The following UBE2E2 variants were observed in gnomAD, a reference collection of about 807,000 sequenced individuals.
UBE2E2 encodes ubiquitin-conjugating enzyme E2 E2.
UBE2E2 carries 6 observed loss-of-function variants against 24.7 expected under a neutral mutation model. That is an observed-to-expected ratio of 0.24 (90% confidence interval 0.13 to 0.48). UBE2E2 has a LOEUF of 0.48. UBE2E2 is among the 20% of genes least tolerant of loss of function. UBE2E2 has a pLI of 0.99. For missense variants in UBE2E2, 169 were observed against 245.0 expected, an observed-to-expected ratio of 0.69 and a Z score of 2.07; for synonymous variants, 104 against 83.6, an observed-to-expected ratio of 1.24 and a Z score of -1.33.
chr3:23,328,276 C>G (rs1217785579), intron 3 of UBE2E2, among the ~76,000 whole-genome samples: 2 of 152,094 alleles, frequency 1.3e-5, no homozygotes. Flanking sequence ...ATCTTTGAAT[C>G]TATAAAATAC....
intron 3 of UBE2E2, among the ~76,000 whole-genome samples, chr3:23,286,914 A>G (rs1312227784): frequency 6.6e-6 from 1 of 152,142 alleles, no homozygotes; most frequent in Non-Finnish European, 1.5e-5. Flanking sequence ...TATTGTAAAT[A>G]GAATTACACT....
intron 3 of UBE2E2, among the ~76,000 whole-genome samples, chr3:23,327,772 A>G (rs1203926024): frequency 6.6e-6 from 1 of 152,200 alleles, no homozygotes; most frequent in Non-Finnish European, 1.5e-5. Flanking sequence ...AGTGTTGTAA[A>G]CCTGCTCATG....
At position 23,581,660 on chromosome 3, in the gene UBE2E2, G is replaced by T. The variant is rs77375843; in HGVS notation, c.509-8074G>T. 1.4e-3 allele frequency among the ~76,000 whole-genome samples: 219 copies of T among 152,264 alleles called. 5 individuals carry two copies. The East Asian group carries it at 0.015, about 10-fold the overall frequency. ...CTAAGTTAAAAACCCAGACATTCTG[G>T]ATCCAATGCCCATGCCCTTTTCCAC... is the stretch of plus-strand genomic sequence containing the variant. On this transcript the variant is annotated intron_variant, in intron 5 of 5. Transcript: ENST00000396703.
At chr3:23,419,589 A>G (rs1697744842) in intron 3 of UBE2E2, among the ~76,000 whole-genome samples, 1 of 152,178 alleles carries the variant, frequency 6.6e-6, no homozygotes, top group South Asian at 2.1e-4. Context: ...TGCTTTTGTT[A>G]TGCAGTGTTC....
intron 3 of UBE2E2, among the ~76,000 whole-genome samples, chr3:23,233,627 C>G (rs1056519764): frequency 6.6e-6 from 1 of 152,044 alleles, no homozygotes; most frequent in African/African-American, 2.4e-5. Flanking sequence ...TGGATGATCT[C>G]CAAGTGGCTT....
chr3:23,364,101 G>T (rs181559575), intron 3 of UBE2E2, among the ~76,000 whole-genome samples: 228 of 152,000 alleles, frequency 1.5e-3, no homozygotes, highest in African/African-American at 5.2e-3. Flanking sequence ...GAATCTCTGG[G>T]GCACAACTAA....
intron 5 of UBE2E2, among the ~76,000 whole-genome samples, chr3:23,574,750 A>T (rs183097491): frequency 1.3e-5 from 2 of 152,294 alleles, no homozygotes; most frequent in African/African-American, 4.8e-5. Flanking sequence ...CACTTTCTCA[A>T]TATTTAAGAA....
At chr3:23,586,620 C>G (rs1696633443) in intron 5 of UBE2E2, among the ~76,000 whole-genome samples, 1 of 152,022 alleles carries the variant, frequency 6.6e-6, no homozygotes, top group Admixed American at 6.6e-5. Flanking sequence ...TTTTTAATTC[C>G]TTCATTGTGT....
chr3:23,222,941 T>C (rs1696696241), intron 3 of UBE2E2, among the ~76,000 whole-genome samples: 1 of 151,970 alleles, frequency 6.6e-6, no homozygotes, highest in South Asian at 2.1e-4. Flanking sequence ...ATTGTAGCAA[T>C]GTTGAGCATT....
intron 3 of UBE2E2, among the ~76,000 whole-genome samples, chr3:23,470,904 A>G (rs1215122960): frequency 2.6e-5 from 4 of 152,056 alleles, no homozygotes; most frequent in Non-Finnish European, 4.4e-5. Flanking sequence ...ATGAAAGTCT[A>G]TTCTTAGGTA....
At chr3:23,571,639 C>G (rs545868432) in intron 5 of UBE2E2, among the ~76,000 whole-genome samples, 2 of 152,046 alleles carry the variant, frequency 1.3e-5, no homozygotes. Flanking sequence ...TCGTACAGAC[C>G]GCTTTTTTTG....
At chr3:23,582,828 C>T in intron 5 of UBE2E2, among the ~76,000 whole-genome samples, 1 of 149,624 alleles carries the variant, frequency 6.7e-6, no homozygotes, top group Non-Finnish European at 1.5e-5. Flanking sequence ...GATATTTTCT[C>T]CCATGCTGTA....
intron 3 of UBE2E2, among the ~76,000 whole-genome samples, chr3:23,439,047 T>G (rs1344218870): frequency 6.6e-6 from 1 of 152,252 alleles, no homozygotes; most frequent in African/African-American, 2.4e-5. Flanking sequence ...GTGATCATTT[T>G]TATATACAAG....
intron 4 of UBE2E2, among the ~76,000 whole-genome samples, chr3:23,509,582 TG>T (rs944366732): frequency 2.5e-4 from 38 of 152,246 alleles, no homozygotes; most frequent in Admixed American, 5.9e-4. Flanking sequence ...TTAATATATA[TG>T]TTTTTTTATT....
At chr3:23,308,893 C>T (rs532956502) in intron 3 of UBE2E2, among the ~76,000 whole-genome samples, 1 of 152,260 alleles carries the variant, frequency 6.6e-6, no homozygotes, top group Admixed American at 6.5e-5. Context: ...CCTGAAATCC[C>T]CCAAGAGGCT....
At chr3:23,231,565 A>G (rs1280756518) in intron 3 of UBE2E2, among the ~76,000 whole-genome samples, 2 of 152,216 alleles carry the variant, frequency 1.3e-5, no homozygotes, top group Non-Finnish European at 2.9e-5. Flanking sequence ...GAAATCATCA[A>G]GCAATTGAAT....
chr3:23,560,888 A>G (rs1485572287), intron 5 of UBE2E2, among the ~76,000 whole-genome samples: 1 of 152,092 alleles, frequency 6.6e-6, no homozygotes, highest in South Asian at 2.1e-4. Flanking sequence ...GTCTGTTCAT[A>G]TCCTTTGCCC....
intron 3 of UBE2E2, among the ~76,000 whole-genome samples, chr3:23,394,030 T>C (rs562913791): frequency 2.0e-5 from 3 of 152,280 alleles, no homozygotes; most frequent in South Asian, 4.1e-4. Flanking sequence ...TGTTGACTGA[T>C]GAAAACAGAA....
chr3:23,477,681 G>T (rs17081034), intron 3 of UBE2E2, among the ~76,000 whole-genome samples: 2,286 of 152,178 alleles, frequency 0.015, 58 homozygotes, highest in African/African-American at 0.052. Flanking sequence ...GGATTTCTCC[G>T]TGTTACTGAA....
Sources: allele counts gnomAD v4.1 joint callset (sites outside exome capture counted in the v4.1 genomes callset), GRCh38; gene constraint gnomAD v4.1.1; transcripts MANE v1.5; gene names NCBI Gene and HGNC (gene_info 2026-07-23, HGNC 2026-07-21).